RRP8: variants seen among roughly 807,000 people sequenced by gnomAD.
RRP8 encodes ribosomal RNA processing 8.
A neutral mutation model predicts 45.0 loss-of-function variants in RRP8; 48 were observed. That is an observed-to-expected ratio of 1.07 (90% CI 0.85 to 1.36). The LOEUF is 1.36. RRP8 is among the 40% of genes most tolerant of loss of function. The pLI is 0.00. For missense variants in RRP8, 658 were observed against 573.7 expected (o/e 1.15, Z -1.50); for synonymous variants, 274 against 212.4 (o/e 1.29, Z -2.52).
In RRP8 at chr11:6,600,016, G is replaced by T. The variant is rs1415554266; in HGVS notation, c.*130C>A. The stretch of plus-strand genomic sequence containing the variant: ...TCAGTAGAGCAAGTCTGAGCCAGAG[G>T]TTTTATCACACTTTGTCCTCAGGGT... On this transcript the variant is annotated 3_prime_UTR_variant, in exon 7 of 7. Transcript: ENST00000254605. 5.2e-6 allele frequency: 3 copies of T among 582,100 alleles called. No individual in the cohort carries two copies. The highest frequency in any genetic ancestry group is 8.8e-6 in the Non-Finnish European group (3 of 339,328). 36.1% of individuals were successfully genotyped at this position (582,100 alleles called of 1,614,324 possible). A position where few individuals can be genotyped will look rare whatever the true frequency, so the allele number is the denominator to read the frequency against.
chr11:6,600,870 A>C (rs1434258482), intron 4 of RRP8, 56 bp downstream of exon 4: 1 of 1,613,084 alleles, frequency 6.2e-7, no homozygotes, highest in African/African-American at 1.3e-5. Flanking sequence ...GAAGGGTTAG[A>C]GATTAGCATA....
Position 6,595,481 on chromosome 11 carries a change from C to G in RRP8, c.*4665G>C, listed in dbSNP as rs1589911933. 6.6e-6 allele frequency: 1 copy of G among 152,070 alleles called. No homozygotes were observed. Among genetic ancestry groups the G allele is most frequent in the Non-Finnish European group, 1.5e-5 (1 of 68,020 alleles). The allele number at this position is 152,070 out of a possible 1,614,324, so 9.4% of individuals were successfully genotyped here. ...CAAGAAAACTACAGAGACCTCATCC[C>G]TAACATCCTTCAGCTCCAGAACCAA... On this transcript the variant is annotated 3_prime_UTR_variant, in exon 7 of 7. Coordinates refer to ENST00000254605, the MANE Select transcript of RRP8 (RefSeq NM_015324.4).
Position 6,601,365 on chromosome 11 carries a change from C to G in RRP8, c.701G>C (p.Arg234Pro). 2 of 1,614,094 alleles carry G rather than the reference C, an allele frequency of 1.2e-6. No homozygotes were observed. Among genetic ancestry groups the G allele is most frequent in the South Asian group, 1.1e-5 (1 of 91,082 alleles). ...CATGCGGGCTCGCAAAGCCCCTGCCCGAGCCTCATGGCTGTCTGTCCTGGG... is the reference window on the plus strand; with the variant it reads ...CATGCGGGCTCGCAAAGCCCCTGCCGGAGCCTCATGGCTGTCTGTCCTGGG... ...PVPRTDSHEA[R>P]AGALRARMAQ... Residue 234 changes from arginine to proline, a missense_variant, in exon 3 of 7, where the codon CGG (arginine) becomes CCG (proline). Coordinates refer to ENST00000254605, the MANE Select transcript of RRP8 (RefSeq NM_015324.4).
intron 2 of RRP8, 29 bp downstream of exon 2, chr11:6,601,823 C>A (rs747121459): frequency 6.4e-7 from 1 of 1,566,268 alleles, no homozygotes; most frequent in Non-Finnish European, 8.7e-7. Flanking sequence ...CACACACCAA[C>A]ACACACACAT....
rs1422705323 is a variant in RRP8, at chr11:6,596,532, G to A, written c.*3614C>T. The A allele has an allele frequency of 5.9e-5, 9 of 152,356 alleles. No individual in the cohort carries two copies. The highest frequency in any genetic ancestry group is 2.2e-4 in the African/African-American group (9 of 41,582). 9.4% of individuals were successfully genotyped at this position (152,356 alleles called of 1,614,324 possible). ...TTTAAAAAGATCACATGGCTGTGTGGAAAATTAATTGCTTTAGGGACACGA... is the reference window on the plus strand; with the variant it reads ...TTTAAAAAGATCACATGGCTGTGTGAAAAATTAATTGCTTTAGGGACACGA... On this transcript the variant is annotated 3_prime_UTR_variant, in exon 7 of 7. Coordinates refer to ENST00000254605, the MANE Select transcript of RRP8 (RefSeq NM_015324.4).
chr11:6,602,695 G>A (rs986790872), intron 1 of RRP8, among the ~76,000 whole-genome samples: 1 of 152,246 alleles, frequency 6.6e-6, no homozygotes, highest in African/African-American at 2.4e-5. Flanking sequence ...TTGGACAATG[G>A]TAATGGGGCT....
Position 6,601,166 on chromosome 11 carries a change from G to A in RRP8, c.900C>T (p.Ala300=), listed in dbSNP as rs370151554. The change falls in exon 3 of 7, where the codon GCC becomes GCT. Residue 300 remains alanine (A), a synonymous_variant. Transcript: ENST00000254605. The part of the protein sequence containing the change: ...KWPLQPVDRI[A]RDLRQRPASL... The stretch of plus-strand genomic sequence containing the variant: ...CCATTCACCGCTGGCGAAGATCCCT[G>A]GCGATGCGGTCCACTGGCTGCAGTG... The A allele has an allele frequency of 1.1e-4, 179 of 1,613,848 alleles. No homozygotes were observed. Among genetic ancestry groups the A allele is most frequent in the Non-Finnish European group, 1.4e-4 (163 of 1,179,964 alleles).
At chr11:6,602,255 T>C (rs755500572) in intron 1 of RRP8, 40 bp from the exon 2 acceptor site, 13 of 1,512,480 alleles carry the variant, frequency 8.6e-6, no homozygotes, top group Middle Eastern at 1.8e-4. Flanking sequence ...CTAAAGAGAA[T>C]GGATGAGGCC....
Position 6,602,137 on chromosome 11 carries a change from A to G in RRP8, c.178T>C (p.Cys60Arg). The G allele has an allele frequency of 1.2e-6, 2 of 1,609,492 alleles. No individual in the cohort carries two copies. Among genetic ancestry groups the G allele is most frequent in the South Asian group, 1.1e-5 (1 of 90,842 alleles). The change falls in exon 2 of 7, where the codon TGT becomes CGT. Residue 60 changes from cysteine to arginine, a missense_variant. By Grantham distance (180) the Cys-to-Arg change is radical. Transcript: ENST00000254605. ...TCCTCCTCCTCAGAGTCACTTATAC[A>G]TAGGCTGGGGGGATGCTGGGAAAGA... ...ASLSQHPPSLCISDSEEEEEE... is the reference protein window; with the variant it reads ...ASLSQHPPSLRISDSEEEEEE...
At chr11:6,602,822 T>C (rs956256279) in intron 1 of RRP8, among the ~76,000 whole-genome samples, 1 of 152,140 alleles carries the variant, frequency 6.6e-6, no homozygotes. Context: ...AAGGAGAAGA[T>C]GTATTGTCGG....
At chr11:6,601,831 C>A in intron 2 of RRP8, 21 bp downstream of exon 2, 1 of 1,587,656 alleles carries the variant, frequency 6.3e-7, no homozygotes, top group Non-Finnish European at 8.6e-7. Flanking sequence ...AACACACACA[C>A]ATATACACAT....
rs1403349216 is a variant in RRP8 at position 6,598,335 on chromosome 11, T to C, written c.*1811A>G. On this transcript the variant is annotated 3_prime_UTR_variant, in exon 7 of 7. Coordinates refer to ENST00000254605, the MANE Select transcript of RRP8 (RefSeq NM_015324.4). ...TTGTGCCCTAGTACCTGGGTTTCTA[T>C]AACACCCCTGTTCTCATCTATCCCA... The C allele has an allele frequency of 6.6e-6, 1 of 152,264 alleles. No individual in the cohort carries two copies. The highest frequency in any genetic ancestry group is 1.5e-5 in the Non-Finnish European group (1 of 68,088). The allele number at this position is 152,264 out of a possible 1,614,324, so 9.4% of individuals were successfully genotyped here.
chr11:6,602,283 GAGATGTGGACCTGATTC>G lies in RRP8; in HGVS notation c.100-85_100-69del, dbSNP rs778470745. On this transcript the variant is annotated intron_variant, in intron 1 of 6. Coordinates refer to ENST00000254605, the MANE Select transcript of RRP8 (RefSeq NM_015324.4). ...ATGAGGCCTGGAGAACAAGAAGGGAGAGATGTGGACCTGATTCAGACTGGCAGAAGCATCTGAATTCT... is the reference window on the plus strand; with the variant it reads ...ATGAGGCCTGGAGAACAAGAAGGGAGAGACTGGCAGAAGCATCTGAATTCT... 3 of 1,477,430 alleles carry G rather than the reference GAGATGTGGACCTGATTC, an allele frequency of 2.0e-6. No individual in the cohort carries two copies. In the East Asian group the frequency reaches 6.8e-5, roughly 34 times the overall value. 91.5% of individuals were successfully genotyped at this position (1,477,430 alleles called of 1,614,324 possible).
chr11:6,602,038 TCC>T lies in RRP8; in HGVS notation c.275_276del (p.Gly92GlufsTer13). 1 of 1,614,144 alleles carries T rather than the reference TCC, an allele frequency of 6.2e-7. No homozygotes were observed. The highest frequency in any genetic ancestry group is 8.5e-7 in the Non-Finnish European group (1 of 1,179,994). On this transcript the variant is annotated frameshift_variant, in exon 2 of 7. Transcript: ENST00000254605. LOFTEE classifies it high-confidence loss of function. ...ASASAEVGKK[G>X]KKKCQKQGPP... The stretch of plus-strand genomic sequence containing the variant: ...GGGCCCTGTTTTTGACATTTCTTCT[TCC>T]CTTTCTTCCCTACTTCAGCAGAGGC...
chr11:6,601,163 C>T lies in RRP8; in HGVS notation c.903G>A (p.Arg301=), dbSNP rs148726260. ...CCCCCATTCACCGCTGGCGAAGATC[C>T]CTGGCGATGCGGTCCACTGGCTGCA... ...WPLQPVDRIA[R]DLRQRPASLV... Residue 301 remains arginine, a synonymous_variant, in exon 3 of 7, where the codon AGG becomes AGA. Coordinates refer to ENST00000254605, the MANE Select transcript of RRP8 (RefSeq NM_015324.4). 7.1e-4 allele frequency: 1,143 copies of T among 1,613,932 alleles called. 7 individuals are homozygous for T. In the African/African-American group the frequency reaches 0.012, roughly 18 times the overall value.
Position 6,601,384 on chromosome 11 carries a change from T to A in RRP8, c.682A>T (p.Thr228Ser), listed in dbSNP as rs763214810. 6.2e-7 allele frequency: 1 copy of A among 1,614,044 alleles called. No homozygotes were observed. Among genetic ancestry groups the A allele is most frequent in the Non-Finnish European group, 8.5e-7 (1 of 1,180,000 alleles). Residue 228 changes from threonine (T) to serine (S), a missense_variant, in exon 3 of 7, where the codon ACA becomes TCA. Physicochemically the swap from Thr to Ser is moderately conservative, Grantham distance 58. Transcript: ENST00000254605. ...CCTGCCCGAGCCTCATGGCTGTCTG[T>A]CCTGGGAACAGGAGACACCTCTGTC... ...EKTEVSPVPR[T>S]DSHEARAGAL...
rs376667586 is a variant in RRP8, at chr11:6,597,889, TAAAAAAA to T, written c.*2250_*2256del. 11,897 of 131,698 alleles carry T rather than the reference TAAAAAAA, an allele frequency of 0.09. 1,647 individuals carry two copies. Among genetic ancestry groups the T allele is most frequent in the African/African-American group, 0.3 (11,327 of 37,448 alleles). 8.2% of individuals were successfully genotyped at this position (131,698 alleles called of 1,614,324 possible). A position where few individuals can be genotyped will look rare whatever the true frequency, so the allele number is the denominator to read the frequency against. ...TGGGCCACAGAGCAAGACTCTGTCT[TAAAAAAA>T]AAAAAAAAAAAAAATTAACTCTCCT... On this transcript the variant is annotated 3_prime_UTR_variant, in exon 7 of 7. Coordinates refer to ENST00000254605, the MANE Select transcript of RRP8 (RefSeq NM_015324.4).
Position 6,603,428 on chromosome 11 carries a change from C to A in RRP8, c.75G>T (p.Pro25=). 1 of 1,602,562 alleles carries A rather than the reference C, an allele frequency of 6.2e-7. No individual in the cohort carries two copies. Among genetic ancestry groups the A allele is most frequent in the South Asian group, 1.1e-5 (1 of 89,220 alleles). ...AGLGPVISRP[P]PAASSQNKGS... is the part of the protein sequence containing the mutation. ...CCTTGTTTTGCGAGGAGGCCGCAGG[C>A]GGAGGTCGTGAGATTACGGGCCCAA... Residue 25 remains proline (P), a synonymous_variant, in exon 1 of 7, where the codon CCG becomes CCT. Transcript: ENST00000254605.
At chr11:6,600,810 G>A (rs1232608948) in intron 4 of RRP8, 35 bp from the exon 5 acceptor site, 3 of 1,608,292 alleles carry the variant, frequency 1.9e-6, no homozygotes, top group Non-Finnish European at 2.6e-6. Context: ...AAGGCACACA[G>A]TGCAGAAGAA....
Sources: gnomAD v4.1 joint callset for allele counts (sites outside exome capture counted in the v4.1 genomes callset) on GRCh38, gnomAD v4.1.1 for gene constraint, MANE v1.5 for transcripts, NCBI Gene and HGNC (gene_info 2026-07-23, HGNC 2026-07-21) for gene names.